ZNF398: variants seen among roughly 807,000 people sequenced by gnomAD.
ZNF398 encodes the protein zinc finger DNA binding protein ZER6.
ZNF398 carries 18 observed loss-of-function variants against 41.9 expected under a neutral mutation model. The ratio of observed to expected loss-of-function variants is 0.43; its 90% CI spans 0.30 to 0.64. ZNF398 has a LOEUF of 0.64. Ranked by LOEUF, ZNF398 falls within the 30% of genes least tolerant of loss-of-function variation. The pLI is 0.14. For synonymous variants in ZNF398, 260 were observed against 308.8 expected (o/e 0.84, Z 1.66); for missense variants, 669 against 822.8 (o/e 0.81, Z 2.29).
intron 1 of ZNF398, among the ~76,000 whole-genome samples, chr7:149,127,585 CG>C (rs1344079971): frequency 6.9e-6 from 1 of 143,916 alleles, no homozygotes; most frequent in Non-Finnish European, 1.5e-5. Flanking sequence ...AGCGTTGTGG[CG>C]GGCGCCTGTA....
Position 149,181,682 on chromosome 7 carries a change from A to T in ZNF398, c.*1881A>T, listed in dbSNP as rs1255731899. ...CATGACATTCACAATACCAGGGACC[A>T]TGGGAGACACAAGAAATGTGTGTCT... On this transcript the variant is annotated 3_prime_UTR_variant, in exon 6 of 6. Coordinates refer to ENST00000475153, the MANE Select transcript of ZNF398 (RefSeq NM_170686.3). 1 of 152,226 alleles carries T rather than the reference A, an allele frequency of 6.6e-6. No homozygotes were observed. Among genetic ancestry groups the T allele is most frequent in the Non-Finnish European group, 1.5e-5 (1 of 68,042 alleles). The allele number at this position is 152,226 out of a possible 1,614,324, so 9.4% of individuals were successfully genotyped here.
At position 149,179,200 on chromosome 7, in the gene ZNF398, C is replaced by T. The variant is rs749499320; in HGVS notation, c.1328C>T (p.Thr443Ile). The T allele has an allele frequency of 9.9e-6, 16 of 1,613,368 alleles. No homozygotes were observed. Among genetic ancestry groups the T allele is most frequent in the South Asian group, 2.2e-5 (2 of 91,072 alleles). The change falls in exon 6 of 6, where the codon ACC (threonine) becomes ATC (isoleucine). Residue 443 changes from threonine to isoleucine, a missense_variant. Thr to Ile is a moderately conservative substitution (Grantham distance 89, BLOSUM62 -1). Coordinates refer to ENST00000475153, the MANE Select transcript of ZNF398 (RefSeq NM_170686.3). This position sits in a 1 kb window ranked among gnomAD's most constrained non-coding sequence, Gnocchi z 6.1. ...PKRFADQARL[T>I]SHRRAHASER... ...CGCTTTGCTGACCAGGCTCGACTCACCAGCCACCGGAGAGCTCATGCAAGC... is the reference window on the plus strand; with the variant it reads ...CGCTTTGCTGACCAGGCTCGACTCATCAGCCACCGGAGAGCTCATGCAAGC...
chr7:149,136,649 C>T (rs1826719874), intron 2 of ZNF398, among the ~76,000 whole-genome samples: 1 of 152,030 alleles, frequency 6.6e-6, no homozygotes, highest in Non-Finnish European at 1.5e-5. Flanking sequence ...CTTACTGCAA[C>T]CTCTGCCTCC....
At chr7:149,153,350 T>C (rs1312687002) in intron 1 of ZNF398, among the ~76,000 whole-genome samples, 4 of 152,192 alleles carry the variant, frequency 2.6e-5, no homozygotes, top group Non-Finnish European at 5.9e-5. Context: ...AAAGTTTGCC[T>C]GTCTGAAAAT....
At chr7:149,151,967 T>A (rs1827127821) in intron 1 of ZNF398, among the ~76,000 whole-genome samples, 1 of 151,980 alleles carries the variant, frequency 6.6e-6, no homozygotes, top group Non-Finnish European at 1.5e-5. Flanking sequence ...GCACGGTGGC[T>A]CACGCCCGTA....
At chr7:149,131,987 T>C (rs1403724586) in intron 2 of ZNF398, among the ~76,000 whole-genome samples, 1 of 152,182 alleles carries the variant, frequency 6.6e-6, no homozygotes, top group Non-Finnish European at 1.5e-5. Flanking sequence ...GACGTTTTGT[T>C]TATAGTCAAA....
At chr7:149,166,964 C>T (rs1795238194) in intron 4 of ZNF398, 34 bp downstream of exon 4, 1 of 1,489,936 alleles carries the variant, frequency 6.7e-7, no homozygotes, top group African/African-American at 1.4e-5. Context: ...CTTCTTGTCT[C>T]CCTTTCCTGG....
In ZNF398 at chr7:149,179,650, G is replaced by A. The variant is rs569603850; in HGVS notation, c.1778G>A (p.Gly593Asp). The A allele has an allele frequency of 1.1e-5, 17 of 1,614,232 alleles. No individual in the cohort carries two copies. The highest frequency in any genetic ancestry group is 6.7e-5 in the Admixed American group (4 of 60,024). The change falls in exon 6 of 6, where the codon GGC becomes GAC. Residue 593 changes from glycine to aspartate, a missense_variant. This residue lies in a region of ZNF398 where 210 missense variants were observed against 290.4 expected (regional missense o/e 0.72). Coordinates refer to ENST00000475153, the MANE Select transcript of ZNF398 (RefSeq NM_170686.3). The surrounding 1 kb of genome is among the most constrained non-coding windows in gnomAD (Gnocchi z 6.1). ...KDHLRSGHNG[G>D]CGGDSDPSGQ... ...CACCTCCGTTCAGGCCACAATGGAG[G>A]CTGTGGGGGTGATAGTGACCCATCA...
Position 149,182,466 on chromosome 7 carries a change from G to T in ZNF398, c.*2665G>T, listed in dbSNP as rs1000769417. Reference sequence around the variant, plus strand: ...GGAAGGATAAGGTGTCCAACAGAAAGTGTGGAGGAGAAACTCTTGGCCTAT... The same window carrying T: ...GGAAGGATAAGGTGTCCAACAGAAATTGTGGAGGAGAAACTCTTGGCCTAT... On this transcript the variant is annotated 3_prime_UTR_variant, in exon 6 of 6. Coordinates refer to ENST00000475153, the MANE Select transcript of ZNF398 (RefSeq NM_170686.3). 5 of 152,226 alleles carry T rather than the reference G, an allele frequency of 3.3e-5. No homozygotes were observed. Among genetic ancestry groups the T allele is most frequent in the Non-Finnish European group, 5.9e-5 (4 of 68,050 alleles). 9.4% of individuals were successfully genotyped at this position (152,226 alleles called of 1,614,324 possible).
intron 1 of ZNF398, chr7:149,148,044 G>T (rs1827002519): frequency 5.5e-6 from 2 of 363,262 alleles, no homozygotes; most frequent in South Asian, 2.8e-4. Context: ...TGAAGTCGAG[G>T]GGGTGCCTGC....
chr7:149,152,258 G>T (rs1332600386), intron 1 of ZNF398, among the ~76,000 whole-genome samples: 2 of 111,484 alleles, frequency 1.8e-5, no homozygotes, highest in Non-Finnish European at 3.5e-5. Context: ...TTCCCTTAAA[G>T]ATTTCTTTTT....
chr7:149,179,798 G>A lies in ZNF398; in HGVS notation c.1926G>A (p.Leu642=), dbSNP rs750659775. 6.4e-7 allele frequency: 1 copy of A among 1,567,366 alleles called. No individual in the cohort carries two copies. The highest frequency in any genetic ancestry group is 1.8e-5 in the Admixed American group (1 of 55,030). Residue 642 remains leucine, a synonymous_variant, in exon 6 of 6, where the codon TTG becomes TTA. Coordinates refer to ENST00000475153, the MANE Select transcript of ZNF398 (RefSeq NM_170686.3). This position sits in a 1 kb window ranked among gnomAD's most constrained non-coding sequence, Gnocchi z 6.1. Reference sequence around the variant, plus strand: ...GGGAAGGGAGTGGAGGGGGAGTTTTGTAAATCCAAATCTCTGTGGCTTCAT... The same window carrying A: ...GGGAAGGGAGTGGAGGGGGAGTTTTATAAATCCAAATCTCTGTGGCTTCAT... ...WYGEGSGGGV[L]
At chr7:149,151,162 C>A in intron 1 of ZNF398, 1 of 1,045,890 alleles carries the variant, frequency 9.6e-7, no homozygotes, top group South Asian at 2.3e-5. Context: ...AGCTTAGAAA[C>A]CATTGGTATG....
intron 1 of ZNF398, among the ~76,000 whole-genome samples, chr7:149,127,127 T>G (rs1585496159): frequency 6.7e-6 from 1 of 149,418 alleles, no homozygotes; most frequent in African/African-American, 2.5e-5. Context: ...ACGGGAGAGG[T>G]GGGAAGACGC....
At chr7:149,163,377 T>A (rs1795152270) in intron 2 of ZNF398, among the ~76,000 whole-genome samples, 1 of 151,138 alleles carries the variant, frequency 6.6e-6, no homozygotes, top group African/African-American at 2.4e-5. Flanking sequence ...GCTAATTTTT[T>A]TTTTTTTTTT....
At chr7:149,162,961 G>C (rs1426075612) in intron 2 of ZNF398, among the ~76,000 whole-genome samples, 1 of 151,974 alleles carries the variant, frequency 6.6e-6, no homozygotes, top group African/African-American at 2.4e-5. Flanking sequence ...GGGCAACAGA[G>C]CGAGAGTCTG....
intron 2 of ZNF398, among the ~76,000 whole-genome samples, chr7:149,141,077 A>AT (rs1331327331): frequency 6.6e-6 from 1 of 150,738 alleles, no homozygotes; most frequent in Non-Finnish European, 1.5e-5. Flanking sequence ...CTATTTGGTA[A>AT]TTTTTCACAC....
At chr7:149,164,346 T>A (rs1335176501) in intron 2 of ZNF398, among the ~76,000 whole-genome samples, 1 of 141,054 alleles carries the variant, frequency 7.1e-6, no homozygotes, top group African/African-American at 2.7e-5. Context: ...GGCAGAGCTT[T>A]CAGTGAGCCA....
upstream of ZNF398, among the ~76,000 whole-genome samples, chr7:149,142,523 C>G (rs548983002): frequency 1.3e-5 from 2 of 152,090 alleles, no homozygotes; most frequent in African/African-American, 4.8e-5. Flanking sequence ...AAAAATTAGC[C>G]GGGCGTGGTG....
Sources: gnomAD v4.1 joint callset for allele counts (sites outside exome capture counted in the v4.1 genomes callset) on GRCh38, gnomAD v4.1.1 for gene constraint, gnomAD v4.1.1 regional missense constraint, Gnocchi (gnomAD v3.1) non-coding constraint, MANE v1.5 for transcripts, NCBI Gene and HGNC (gene_info 2026-07-23, HGNC 2026-07-21) for gene names.